Variants in TMEM132D observed in about 807,000 individuals in gnomAD.
TMEM132D encodes transmembrane protein 132D.
Under a neutral mutation model 62.3 loss-of-function variants are expected in TMEM132D, and 21 were observed. The ratio of observed to expected loss-of-function variants is 0.34; its 90% CI spans 0.24 to 0.49. The LOEUF is 0.49. Among genes scored for constraint, TMEM132D ranks in the 20% least tolerant of loss-of-function variants. TMEM132D has a pLI of 0.99. For missense variants in TMEM132D, 1,346 were observed against 1,402.8 expected, an observed-to-expected ratio of 0.96 and a Z score of 0.65; for synonymous variants, 621 against 575.6, an observed-to-expected ratio of 1.08 and a Z score of -1.13.
intron 4 of TMEM132D, among the ~76,000 whole-genome samples, chr12:129,238,299 AATT>A (rs1220105529): frequency 1.3e-5 from 2 of 152,214 alleles, no homozygotes; most frequent in African/African-American, 2.4e-5. Context: ...CTAAACTTTA[AATT>A]ATTATTTAAA....
At chr12:129,113,354 C>T (rs1401907367) in intron 5 of TMEM132D, 1 of 152,154 alleles carries the variant, frequency 6.6e-6, no homozygotes, top group Non-Finnish European at 1.5e-5. Flanking sequence ...CTAGGCTGAA[C>T]CCCTGGTGTT....
In TMEM132D at chr12:129,719,966, G is replaced by A. The variant is rs115879420; in HGVS notation, c.80-19268C>T. 7.6e-3 allele frequency among the ~76,000 whole-genome samples: 1,160 copies of A among 151,712 alleles called. 13 individuals are homozygous for A. Among genetic ancestry groups the A allele is most frequent in the African/African-American group, 0.026 (1,077 of 41,246 alleles). On this transcript the variant is annotated intron_variant, in intron 1 of 8. Transcript: ENST00000422113. Reference sequence around the variant, plus strand: ...ATGAGTGATCTGGGTGCCTTATTCCGCTTTAAAATAAAAATCTCAAGCGGG... The same window carrying A: ...ATGAGTGATCTGGGTGCCTTATTCCACTTTAAAATAAAAATCTCAAGCGGG...
chr12:129,524,922 T>C (rs112313858), intron 3 of TMEM132D, among the ~76,000 whole-genome samples: 17,346 of 103,724 alleles, frequency 0.17, 1,554 homozygotes, highest in Admixed American at 0.31. Context: ...ATTTTTTTCT[T>C]TTTTCTTTTT....
chr12:129,847,740 C>A (rs567603147), intron 1 of TMEM132D, among the ~76,000 whole-genome samples: 1 of 152,202 alleles, frequency 6.6e-6, no homozygotes, highest in South Asian at 2.1e-4. Context: ...CTGGCTCAAG[C>A]CTTAGAGACT....
At chr12:129,093,527 A>G (rs11060129) in intron 5 of TMEM132D, among the ~76,000 whole-genome samples, 4,617 of 152,324 alleles carry the variant, frequency 0.03, 290 homozygotes, top group East Asian at 0.17. Context: ...GCTCAATGAA[A>G]TAAAAGAGGA....
At chr12:129,787,266 G>C (rs1047538083) in intron 1 of TMEM132D, among the ~76,000 whole-genome samples, 5 of 152,168 alleles carry the variant, frequency 3.3e-5, no homozygotes, top group African/African-American at 1.2e-4. Flanking sequence ...GGAGGAAAGA[G>C]AGACTAAAGG....
intron 2 of TMEM132D, among the ~76,000 whole-genome samples, chr12:129,672,890 T>C (rs1166357657): frequency 1.3e-5 from 2 of 151,994 alleles, no homozygotes; most frequent in African/African-American, 2.4e-5. Flanking sequence ...TGGGACTACA[T>C]GCGTGCACCA....
chr12:129,401,834 C>A (rs897727800), intron 3 of TMEM132D, among the ~76,000 whole-genome samples: 1 of 152,142 alleles, frequency 6.6e-6, no homozygotes, highest in African/African-American at 2.4e-5. Flanking sequence ...CAGCATCTAG[C>A]ACAGGGCCCT....
intron 4 of TMEM132D, among the ~76,000 whole-genome samples, chr12:129,272,044 C>T (rs980051947): frequency 6.6e-6 from 1 of 151,842 alleles, no homozygotes; most frequent in Non-Finnish European, 1.5e-5. Context: ...TAAAAGTGTT[C>T]CTATTTCTCC....
rs116594194 is a variant in TMEM132D, at chr12:129,286,526, G to A, written c.1299+51108C>T. Among the ~76,000 whole-genome samples, 628 of 152,258 alleles carry A rather than the reference G, an allele frequency of 4.1e-3. 5 individuals are homozygous for A. The highest frequency in any genetic ancestry group is 0.014 in the African/African-American group (572 of 41,542). On this transcript the variant is annotated intron_variant, in intron 4 of 8. Coordinates refer to ENST00000422113, the MANE Select transcript of TMEM132D (RefSeq NM_133448.3). ...GGTAATCACACTATGAGATTCTGTT[G>A]CAGAAGTGATAATGTTATGTGTTCA...
intron 5 of TMEM132D, among the ~76,000 whole-genome samples, chr12:129,103,064 A>C (rs977891999): frequency 5.3e-5 from 8 of 152,170 alleles, no homozygotes; most frequent in Non-Finnish European, 8.8e-5. Context: ...CTGAGCTCCA[A>C]ATCCACCCTT....
In TMEM132D at chr12:129,112,351, C is replaced by G. The variant is rs1293600916; in HGVS notation, c.1444-27649G>C. Among the ~76,000 whole-genome samples, 5 of 152,276 alleles carry G rather than the reference C, an allele frequency of 3.3e-5. No homozygotes were observed. The East Asian group carries it at 9.7e-4, about 29-fold the overall frequency. On this transcript the variant is annotated intron_variant, in intron 5 of 8. Transcript: ENST00000422113. ...TAGTAGCTGCTAGTCACATGTGGCT[C>G]TATAATTTCAAATTAATTAAAATTA... is the stretch of plus-strand genomic sequence containing the variant.
chr12:129,441,826 C>T (rs10847876), intron 3 of TMEM132D, among the ~76,000 whole-genome samples: 16,876 of 152,190 alleles, frequency 0.11, 1,587 homozygotes, highest in East Asian at 0.49. Context: ...ATGAAATCAT[C>T]GCCTTTGCAG....
In TMEM132D at chr12:129,371,272, T is replaced by C. The variant is rs925792324; in HGVS notation, c.1116-33455A>G. 7.7e-4 allele frequency among the ~76,000 whole-genome samples: 117 copies of C among 151,954 alleles called. 6 individuals are homozygous for C. The highest frequency in any genetic ancestry group is 1.5e-5 in the Non-Finnish European group (1 of 67,980). On this transcript the variant is annotated intron_variant, in intron 3 of 8. Coordinates refer to ENST00000422113, the MANE Select transcript of TMEM132D (RefSeq NM_133448.3). This position sits in a 1 kb window ranked among gnomAD's most constrained non-coding sequence, Gnocchi z 4.3. ...GTGGCAGTGATGATGATGATGAAGG[T>C]GGTGTTGGTGACGATGATGATGATG...
intron 1 of TMEM132D, among the ~76,000 whole-genome samples, chr12:129,876,124 T>TA (rs1373426643): frequency 6.6e-6 from 1 of 152,028 alleles, no homozygotes; most frequent in Non-Finnish European, 1.5e-5. Context: ...GACATATAAA[T>TA]AAAAAACCTA....
In TMEM132D at chr12:129,894,852, G is replaced by A. The variant is rs576237859; in HGVS notation, c.79+8409C>T. 3.0e-4 allele frequency among the ~76,000 whole-genome samples: 46 copies of A among 151,652 alleles called. No individual in the cohort carries two copies. In the South Asian group the frequency reaches 3.3e-3, roughly 11 times the overall value. On this transcript the variant is annotated intron_variant, in intron 1 of 8. Coordinates refer to ENST00000422113, the MANE Select transcript of TMEM132D (RefSeq NM_133448.3). Reference sequence around the variant, plus strand: ...CGTGTTCCTCTCAAACTCCTCTCTCGTACCTCCCAAGTCAGCGTGTGTGAT... The same window carrying A: ...CGTGTTCCTCTCAAACTCCTCTCTCATACCTCCCAAGTCAGCGTGTGTGAT...
intron 3 of TMEM132D, among the ~76,000 whole-genome samples, chr12:129,339,047 G>T (rs79388087): frequency 6.6e-6 from 1 of 152,090 alleles, no homozygotes; most frequent in South Asian, 2.1e-4. Flanking sequence ...AGATAAAAGC[G>T]ATCACTTGAA....
intron 3 of TMEM132D, among the ~76,000 whole-genome samples, chr12:129,341,047 A>G (rs893937701): frequency 6.6e-6 from 1 of 152,228 alleles, no homozygotes; most frequent in African/African-American, 2.4e-5. Context: ...CATCACATGT[A>G]TCTTAGTGTG....
chr12:129,787,857 G>C (rs535898230), intron 1 of TMEM132D, among the ~76,000 whole-genome samples: 2 of 152,338 alleles, frequency 1.3e-5, no homozygotes, highest in African/African-American at 4.8e-5. Flanking sequence ...ACAGCAGCTG[G>C]ATCCTGCAGG....
Sources: gnomAD v4.1 joint callset for allele counts (sites outside exome capture counted in the v4.1 genomes callset) on GRCh38, gnomAD v4.1.1 for gene constraint, Gnocchi (gnomAD v3.1) non-coding constraint, MANE v1.5 for transcripts, NCBI Gene and HGNC (gene_info 2026-07-23, HGNC 2026-07-21) for gene names.